ERBB4: variants seen among roughly 807,000 people sequenced by gnomAD.
ERBB4 encodes erb-b2 receptor tyrosine kinase 4, also known as receptor tyrosine-protein kinase erbB-4.
In ERBB4, 42 loss-of-function variants were observed where a neutral mutation model predicts 158.0. That is an observed-to-expected ratio of 0.27 (90% CI 0.21 to 0.34). The LOEUF is 0.34. Ranked by LOEUF, ERBB4 falls within the 10% of genes least tolerant of loss-of-function variation. ERBB4 has a pLI of 1.00. For missense variants in ERBB4, 1,333 were observed against 1,624.1 expected, an observed-to-expected ratio of 0.82 and a Z score of 3.08; for synonymous variants, 583 against 558.7, an observed-to-expected ratio of 1.04 and a Z score of -0.61.
intron 2 of ERBB4, among the ~76,000 whole-genome samples, chr2:212,028,994 C>T (rs2076838809): frequency 6.6e-6 from 1 of 152,034 alleles, no homozygotes; most frequent in Non-Finnish European, 1.5e-5. Flanking sequence ...CAGATTTCCA[C>T]AAGACATGCC....
chr2:211,665,275 T>G (rs1362996153), intron 15 of ERBB4, 48 bp downstream of exon 15: 3 of 1,587,366 alleles, frequency 1.9e-6, no homozygotes, highest in Non-Finnish European at 2.6e-6. Context: ...TAAAGATACA[T>G]GTGGATAACA....
intron 2 of ERBB4, among the ~76,000 whole-genome samples, chr2:212,001,811 C>T (rs1024840608): frequency 3.3e-5 from 5 of 152,060 alleles, no homozygotes; most frequent in Non-Finnish European, 7.4e-5. Flanking sequence ...TTGCTTTATC[C>T]CCAAATTATC....
intron 21 of ERBB4, 61 bp from the exon 22 acceptor site, chr2:211,428,544 T>C: frequency 1.1e-6 from 1 of 914,200 alleles, no homozygotes; most frequent in African/African-American, 1.6e-5. Flanking sequence ...TCTATATGTA[T>C]TTCCTAAATG....
chr2:212,493,628 T>A (rs570330401), intron 1 of ERBB4, among the ~76,000 whole-genome samples: 1 of 151,734 alleles, frequency 6.6e-6, no homozygotes, highest in Non-Finnish European at 1.5e-5. Flanking sequence ...TTATGTTCTT[T>A]GAATTTAGTC....
intron 1 of ERBB4, among the ~76,000 whole-genome samples, chr2:212,215,387 T>C (rs2083066923): frequency 6.6e-6 from 1 of 151,504 alleles, no homozygotes; most frequent in South Asian, 2.1e-4. Flanking sequence ...AAGAGAATCA[T>C]TTTTTCTAAG....
chr2:211,698,354 A>G (rs1168839563), intron 12 of ERBB4, among the ~76,000 whole-genome samples: 1 of 151,084 alleles, frequency 6.6e-6, no homozygotes, highest in Non-Finnish European at 1.5e-5. Context: ...GAAGAGCTCT[A>G]TGCTCTATCT....
chr2:212,234,412 T>C (rs887269329), intron 1 of ERBB4, among the ~76,000 whole-genome samples: 1 of 152,200 alleles, frequency 6.6e-6, no homozygotes, highest in Non-Finnish European at 1.5e-5. Context: ...TTTCATGTCT[T>C]TGCTATTGTG....
At chr2:212,372,176 G>A (rs1168853497) in intron 1 of ERBB4, among the ~76,000 whole-genome samples, 1 of 151,892 alleles carries the variant, frequency 6.6e-6, no homozygotes, top group African/African-American at 2.4e-5. Flanking sequence ...AATACACTAG[G>A]TTCAAAGCAA....
intron 3 of ERBB4, among the ~76,000 whole-genome samples, chr2:211,849,551 G>T (rs1359663674): frequency 6.6e-6 from 1 of 151,890 alleles, no homozygotes; most frequent in African/African-American, 2.4e-5. Context: ...GGTATATGGT[G>T]CTAACTCTTA....
intron 1 of ERBB4, among the ~76,000 whole-genome samples, chr2:212,490,795 G>A (rs564819771): frequency 1.3e-5 from 2 of 151,808 alleles, no homozygotes; most frequent in East Asian, 1.9e-4. Flanking sequence ...CCCTTGCATA[G>A]TTTATGTTAA....
chr2:211,655,848 G>C (rs1487659395), intron 16 of ERBB4, among the ~76,000 whole-genome samples: 5 of 152,278 alleles, frequency 3.3e-5, no homozygotes, highest in East Asian at 3.9e-4. Flanking sequence ...TTGTGCCCAA[G>C]TGTCACAGTG....
At chr2:212,065,682 T>C (rs1470350910) in intron 2 of ERBB4, among the ~76,000 whole-genome samples, 1 of 152,024 alleles carries the variant, frequency 6.6e-6, no homozygotes, top group Admixed American at 6.6e-5. Context: ...ATGTCTATAA[T>C]GACTTAAACA....
chr2:212,488,259 T>TA (rs1157040868), intron 1 of ERBB4, among the ~76,000 whole-genome samples: 1 of 152,078 alleles, frequency 6.6e-6, no homozygotes, highest in African/African-American at 2.4e-5. Context: ...GCTTCTTGAA[T>TA]ACCACTCTGC....
chr2:211,647,758 T>C (rs1230240808), intron 16 of ERBB4, among the ~76,000 whole-genome samples: 2 of 151,740 alleles, frequency 1.3e-5, no homozygotes, highest in Non-Finnish European at 3.0e-5. Flanking sequence ...GCCATTCACA[T>C]TGATAATACT....
At position 212,058,663 on chromosome 2, in the gene ERBB4, C is replaced by T. The variant is rs574625539; in HGVS notation, c.234+66089G>A. 5.3e-5 allele frequency among the ~76,000 whole-genome samples: 8 copies of T among 152,216 alleles called. No individual in the cohort carries two copies. In the South Asian group the frequency reaches 1.7e-3, roughly 32 times the overall value. ...ACGCAAATCAATCAACGTAATACAG[C>T]ATATAAAAAGAACTAAAGACAAAAA... On this transcript the variant is annotated intron_variant, in intron 2 of 27. Coordinates refer to ENST00000342788, the MANE Select transcript of ERBB4 (RefSeq NM_005235.3).
At chr2:211,757,820 A>G (rs1053514238) in intron 4 of ERBB4, among the ~76,000 whole-genome samples, 3 of 152,202 alleles carry the variant, frequency 2.0e-5, no homozygotes, top group Non-Finnish European at 4.4e-5. Context: ...TTCTGGAAAC[A>G]TAGATCAATT....
chr2:211,547,246 A>G (rs1312133399), intron 20 of ERBB4, among the ~76,000 whole-genome samples: 1 of 152,152 alleles, frequency 6.6e-6, no homozygotes, highest in Non-Finnish European at 1.5e-5. Flanking sequence ...ATTTCAAAAT[A>G]AAAAGCTGTA....
rs201078753 is a variant in ERBB4 at position 212,193,427 on chromosome 2, GT to G, written c.83-68525del. On this transcript the variant is annotated intron_variant, in intron 1 of 27. Coordinates refer to ENST00000342788, the MANE Select transcript of ERBB4 (RefSeq NM_005235.3). ...CTATCTGTTTCCCCAATTTTCTCTA[GT>G]TTAATACCTGCTGGGTCACATATAG... 6.3e-3 allele frequency among the ~76,000 whole-genome samples: 964 copies of G among 152,098 alleles called. 1 individual carries two copies. The highest frequency in any genetic ancestry group is 0.017 in the Middle Eastern group (5 of 292).
At chr2:211,856,110 T>C (rs1406604884) in intron 3 of ERBB4, among the ~76,000 whole-genome samples, 2 of 152,136 alleles carry the variant, frequency 1.3e-5, no homozygotes, top group African/African-American at 4.8e-5. Context: ...TCTTAAATAT[T>C]ATACCACAAA....
Sources: allele counts gnomAD v4.1 joint callset (sites outside exome capture counted in the v4.1 genomes callset), GRCh38; gene constraint gnomAD v4.1.1; transcripts MANE v1.5; gene names NCBI Gene and HGNC (gene_info 2026-07-23, HGNC 2026-07-21).